Variants in ADCK1 observed in about 807,000 individuals in gnomAD.
ADCK1 encodes the protein aarF domain-containing protein kinase 1.
In ADCK1, 41 loss-of-function variants were observed where a neutral mutation model predicts 52.3. The ratio of observed to expected loss-of-function variants is 0.78; its 90% CI spans 0.61 to 1.02. The LOEUF (loss-of-function observed/expected upper bound fraction) is 1.02. Among genes scored for constraint, ADCK1 ranks in the 50% least tolerant of loss-of-function variants. The pLI is 0.00. For synonymous variants in ADCK1, 250 were observed against 274.6 expected, an observed-to-expected ratio of 0.91 and a Z score of 0.89; for missense variants, 658 against 679.5, an observed-to-expected ratio of 0.97 and a Z score of 0.35.
chr14:77,863,960 AG>A (rs1415273979), intron 4 of ADCK1, among the ~76,000 whole-genome samples: 2 of 152,128 alleles, frequency 1.3e-5, no homozygotes, highest in Admixed American at 6.5e-5. Flanking sequence ...GCTGGCATGG[AG>A]CACAGAAATA....
At chr14:77,817,960 G>A (rs932246550) in intron 1 of ADCK1, among the ~76,000 whole-genome samples, 1 of 151,332 alleles carries the variant, frequency 6.6e-6, no homozygotes, top group Non-Finnish European at 1.5e-5. Flanking sequence ...GGATGGTCTT[G>A]ATCTCCTGAC....
At chr14:77,912,275 C>T (rs1337428873) in intron 7 of ADCK1, among the ~76,000 whole-genome samples, 2 of 152,178 alleles carry the variant, frequency 1.3e-5, no homozygotes, top group African/African-American at 4.8e-5. Flanking sequence ...CAGAAACCCC[C>T]ACAGTGGGCT....
intron 1 of ADCK1, among the ~76,000 whole-genome samples, chr14:77,813,938 T>C (rs2081387115): frequency 6.6e-6 from 1 of 152,016 alleles, no homozygotes; most frequent in Middle Eastern, 3.2e-3. Flanking sequence ...CGGCTAACTT[T>C]TGTATTTTTA....
chr14:77,818,348 C>G (rs1026976086), intron 1 of ADCK1, among the ~76,000 whole-genome samples: 2 of 152,148 alleles, frequency 1.3e-5, no homozygotes, highest in Admixed American at 6.6e-5. Context: ...GTGGCACGAT[C>G]TCAGCTCACT....
intron 3 of ADCK1, among the ~76,000 whole-genome samples, chr14:77,849,107 C>T (rs8005040): frequency 0.18 from 26,731 of 152,080 alleles, 2,354 homozygotes; most frequent in South Asian, 0.24. Flanking sequence ...GGATTATAGG[C>T]GTGAGCCACC....
intron 4 of ADCK1, among the ~76,000 whole-genome samples, chr14:77,860,897 A>G (rs558615830): frequency 9.3e-4 from 142 of 152,336 alleles, no homozygotes; most frequent in Non-Finnish European, 1.7e-3. Context: ...AGCAGGAGGC[A>G]GCAGGTTAAC....
intron 3 of ADCK1, among the ~76,000 whole-genome samples, chr14:77,852,667 A>ATATATAT (rs1676675458): frequency 1.6e-4 from 1 of 6,234 alleles, no homozygotes; most frequent in African/African-American, 3.3e-4. Context: ...ATAAATATAT[A>ATATATAT]TATATATATA....
intron 4 of ADCK1, among the ~76,000 whole-genome samples, chr14:77,864,635 ATG>A (rs3082711): frequency 0.27 from 40,432 of 150,326 alleles, 5,509 homozygotes; most frequent in Middle Eastern, 0.35. Context: ...TAGGATATGA[ATG>A]TGTGTGTGTG....
Position 77,925,834 on chromosome 14 carries a change from G to T in ADCK1, c.1079G>T (p.Arg360Ile), listed in dbSNP as rs1451026159. The change falls in exon 9 of 11, where the codon AGA becomes ATA. Residue 360 changes from arginine to isoleucine, a missense_variant. Physicochemically the swap from Arg to Ile is moderately conservative, Grantham distance 97. Coordinates refer to ENST00000238561, the MANE Select transcript of ADCK1 (RefSeq NM_020421.4). ...WQSLIWTDMK[R>I]VKEYSQRLGA... ...TCTCTGATCTGGACTGACATGAAGAGAGTGAAGGAGTACAGCCAGCGACTG... is the reference window on the plus strand; with the variant it reads ...TCTCTGATCTGGACTGACATGAAGATAGTGAAGGAGTACAGCCAGCGACTG... The T allele has an allele frequency of 1.2e-6, 2 of 1,614,208 alleles. No homozygotes were observed. The highest frequency in any genetic ancestry group is 4.5e-5 in the East Asian group (2 of 44,868).
At chr14:77,818,534 G>A (rs1412671531) in intron 1 of ADCK1, among the ~76,000 whole-genome samples, 2 of 152,118 alleles carry the variant, frequency 1.3e-5, no homozygotes, top group African/African-American at 2.4e-5. Flanking sequence ...TGCACACCTT[G>A]GCCTCCTAAA....
intron 7 of ADCK1, 59 bp downstream of exon 7, chr14:77,907,978 C>A: frequency 6.9e-7 from 1 of 1,457,744 alleles, no homozygotes; most frequent in Non-Finnish European, 9.6e-7. Context: ...CAAGGCTGCC[C>A]AGGAAGTGCC....
chr14:77,816,967 C>T (rs1230725932), intron 1 of ADCK1, among the ~76,000 whole-genome samples: 2 of 149,664 alleles, frequency 1.3e-5, no homozygotes, highest in Non-Finnish European at 3.0e-5. Context: ...ATGAGTAGGG[C>T]GTGGTGGCTC....
chr14:77,858,417 T>G (rs562569409), intron 3 of ADCK1, among the ~76,000 whole-genome samples: 1 of 152,004 alleles, frequency 6.6e-6, no homozygotes, highest in Admixed American at 6.6e-5. Context: ...TTTTTTTGTA[T>G]TTTTAGTAGA....
chr14:77,905,305 T>TTTTTTTTTTTC lies in ADCK1; in HGVS notation c.742-2488_742-2487insCTTTTTTTTTT, dbSNP rs1491571610. 1.2e-4 allele frequency among the ~76,000 whole-genome samples: 5 copies of TTTTTTTTTTTC among 40,368 alleles called. No individual in the cohort carries two copies. The South Asian group carries it at 3.3e-3, about 27-fold the overall frequency. 26.5% of individuals were successfully genotyped at this position (40,368 alleles called of 152,430 possible). A position where few individuals can be genotyped will look rare whatever the true frequency, so the allele number is the denominator to read the frequency against. ...CCACCTGTGACTCTTTCCTAGCTGG[T>TTTTTTTTTTTC]TTTTTTTTTTTTTTTTTTTGAGATG... On this transcript the variant is annotated intron_variant, in intron 6 of 10. Transcript: ENST00000238561.
intron 9 of ADCK1, among the ~76,000 whole-genome samples, chr14:77,926,792 C>A (rs1216949509): frequency 6.6e-6 from 1 of 152,126 alleles, no homozygotes; most frequent in African/African-American, 2.4e-5. Context: ...ATCGGGAGCA[C>A]CTCCACCCAG....
intron 4 of ADCK1, among the ~76,000 whole-genome samples, chr14:77,870,752 G>A (rs2082759300): frequency 6.6e-6 from 1 of 152,226 alleles, no homozygotes; most frequent in African/African-American, 2.4e-5. Context: ...TGAAGGACTT[G>A]CCCTGGCAGT....
At chr14:77,856,795 G>T (rs183525934) in intron 3 of ADCK1, among the ~76,000 whole-genome samples, 59 of 152,246 alleles carry the variant, frequency 3.9e-4, no homozygotes, top group Admixed American at 3.3e-3. Context: ...CTTGAGGTCA[G>T]GAGTTCAAGA....
chr14:77,897,711 GACGT>G (rs2140235233), intron 5 of ADCK1, among the ~76,000 whole-genome samples: 1 of 152,214 alleles, frequency 6.6e-6, no homozygotes, highest in East Asian at 1.9e-4. Flanking sequence ...AAACATTTTA[GACGT>G]ACAGAAAGTA....
intron 4 of ADCK1, among the ~76,000 whole-genome samples, chr14:77,873,075 A>G (rs1365025485): frequency 1.3e-5 from 2 of 152,092 alleles, no homozygotes; most frequent in Non-Finnish European, 2.9e-5. Context: ...GGTGATTCTG[A>G]GATTTAGTGC....
Sources: allele counts gnomAD v4.1 joint callset (sites outside exome capture counted in the v4.1 genomes callset), GRCh38; gene constraint gnomAD v4.1.1; transcripts MANE v1.5; gene names NCBI Gene and HGNC (gene_info 2026-07-23, HGNC 2026-07-21).